The following CPNE8 variants were observed in gnomAD, a reference collection of about 807,000 sequenced individuals.
The protein encoded by CPNE8 is copine-8.
CPNE8 carries 45 observed loss-of-function variants against 81.5 expected under a neutral mutation model. That is an observed-to-expected ratio of 0.55 (90% CI 0.44 to 0.71). The LOEUF (loss-of-function observed/expected upper bound fraction) is 0.71. Ranked by LOEUF, CPNE8 falls within the 30% of genes least tolerant of loss-of-function variation. The probability of loss-of-function intolerance (pLI) is 0.00; values close to 1 mark genes in which losing one functional copy is unlikely to be tolerated. For missense variants in CPNE8, 594 were observed against 672.1 expected, an observed-to-expected ratio of 0.88 and a Z score of 1.28; for synonymous variants, 252 against 226.3, an observed-to-expected ratio of 1.11 and a Z score of -1.02.
At chr12:38,740,303 G>C (rs1941064239) in intron 10 of CPNE8, among the ~76,000 whole-genome samples, 1 of 152,154 alleles carries the variant, frequency 6.6e-6, no homozygotes, top group East Asian at 1.9e-4. Flanking sequence ...TTGGGGTTAA[G>C]ACGATGAGGT....
rs191068332 is a variant in CPNE8, at chr12:38,831,873, C to T, written c.331-2418G>A. Among the ~76,000 whole-genome samples, 11 of 152,274 alleles carry T rather than the reference C, an allele frequency of 7.2e-5. No homozygotes were observed. In the East Asian group the frequency reaches 2.1e-3, roughly 29 times the overall value. ...TTTTCTAAGGATAGTTATGCTTATG[C>T]GCACCTGCAAATACTACATATTAAA... On this transcript the variant is annotated intron_variant, in intron 5 of 19. Transcript: ENST00000331366.
chr12:38,807,921 C>A (rs1592109867), intron 6 of CPNE8, among the ~76,000 whole-genome samples: 1 of 151,584 alleles, frequency 6.6e-6, no homozygotes, highest in South Asian at 2.1e-4. Context: ...AAACAAACAA[C>A]CCCATCAAAA....
intron 11 of CPNE8, 125 bp downstream of exon 11, chr12:38,730,158 A>G (rs903583468): frequency 9.7e-6 from 6 of 617,552 alleles, no homozygotes; most frequent in African/African-American, 1.9e-5. Flanking sequence ...CAACAACTTC[A>G]AAGATTCTTA....
At chr12:38,662,156 A>G (rs1938973466) in intron 19 of CPNE8, among the ~76,000 whole-genome samples, 5 of 152,204 alleles carry the variant, frequency 3.3e-5, no homozygotes, top group African/African-American at 1.2e-4. Flanking sequence ...TCCTAGCCAG[A>G]GAAATTAGGC....
intron 19 of CPNE8, among the ~76,000 whole-genome samples, chr12:38,667,299 T>C (rs1449249443): frequency 5.3e-5 from 8 of 152,214 alleles, no homozygotes; most frequent in Admixed American, 5.2e-4. Context: ...ATTGAAAATA[T>C]TATCCTGCAT....
chr12:38,872,410 G>C (rs968112513), intron 3 of CPNE8, among the ~76,000 whole-genome samples: 2 of 152,142 alleles, frequency 1.3e-5, no homozygotes, highest in African/African-American at 4.8e-5. Flanking sequence ...AACTTCCTGA[G>C]ATAACTGGCA....
chr12:38,668,820 C>T (rs917168759), intron 19 of CPNE8, among the ~76,000 whole-genome samples: 9 of 151,960 alleles, frequency 5.9e-5, no homozygotes, highest in Admixed American at 2.0e-4. Context: ...GAGGCCGAGG[C>T]GGGCGGATCA....
chr12:38,685,662 A>G (rs568834083), intron 15 of CPNE8, 45 bp from the exon 16 acceptor site: 7 of 1,589,814 alleles, frequency 4.4e-6, no homozygotes, highest in South Asian at 2.3e-5. Flanking sequence ...ACAGTAAAAA[A>G]GTAAATCTCC....
intron 15 of CPNE8, 128 bp downstream of exon 15, chr12:38,693,529 A>T: frequency 1.3e-6 from 1 of 754,486 alleles, no homozygotes; most frequent in Non-Finnish European, 2.1e-6. Context: ...AAAGTCAATT[A>T]CTTACCAAAA....
chr12:38,882,424 C>T (rs567743240), intron 1 of CPNE8, among the ~76,000 whole-genome samples: 35 of 152,266 alleles, frequency 2.3e-4, no homozygotes, highest in African/African-American at 8.2e-4. Context: ...TTGATTTCAG[C>T]CCGGCAATAC....
chr12:38,783,979 A>G (rs1942113099), intron 6 of CPNE8, among the ~76,000 whole-genome samples: 1 of 152,208 alleles, frequency 6.6e-6, no homozygotes, highest in Admixed American at 6.5e-5. Flanking sequence ...ATCTACAAGT[A>G]TCAAGACCAT....
intron 10 of CPNE8, among the ~76,000 whole-genome samples, chr12:38,731,145 A>C (rs1189546612): frequency 6.6e-6 from 1 of 151,970 alleles, no homozygotes; most frequent in Non-Finnish European, 1.5e-5. Flanking sequence ...ACTGCTGAGA[A>C]GTAAGTACAA....
At chr12:38,887,002 C>A (rs1454062324) in intron 1 of CPNE8, among the ~76,000 whole-genome samples, 1 of 152,114 alleles carries the variant, frequency 6.6e-6, no homozygotes, top group Non-Finnish European at 1.5e-5. Context: ...CTGACTGAGA[C>A]TGAACCTAGA....
intron 19 of CPNE8, among the ~76,000 whole-genome samples, chr12:38,660,271 G>A (rs951220718): frequency 1.0e-4 from 15 of 150,202 alleles, no homozygotes; most frequent in African/African-American, 3.7e-4. Flanking sequence ...ACACAGATAT[G>A]GACCAATGGA....
intron 10 of CPNE8, among the ~76,000 whole-genome samples, chr12:38,734,631 A>G (rs969963562): frequency 6.6e-6 from 1 of 151,904 alleles, no homozygotes; most frequent in African/African-American, 2.4e-5. Flanking sequence ...CAGTCAGTCA[A>G]CCTCTGGGTC....
At chr12:38,778,193 C>T (rs1592080358) in intron 6 of CPNE8, among the ~76,000 whole-genome samples, 2 of 152,086 alleles carry the variant, frequency 1.3e-5, no homozygotes, top group Non-Finnish European at 2.9e-5. Context: ...ACCCCCAGTG[C>T]ATGGAAAAAT....
intron 13 of CPNE8, among the ~76,000 whole-genome samples, chr12:38,719,039 T>C (rs1327484844): frequency 6.6e-6 from 1 of 151,928 alleles, no homozygotes; most frequent in Non-Finnish European, 1.5e-5. Context: ...AGTAAGTTGA[T>C]AGGTTAGAGT....
upstream of CPNE8, chr12:38,905,724 C>T: frequency 7.0e-7 from 1 of 1,430,194 alleles, no homozygotes; most frequent in Non-Finnish European, 9.2e-7. Context: ...GAACCGCTAG[C>T]CAGTCCTGGG....
chr12:38,693,538 A>C, intron 15 of CPNE8, 119 bp downstream of exon 15: 1 of 836,138 alleles, frequency 1.2e-6, no homozygotes, highest in East Asian at 2.7e-5. Flanking sequence ...TACTTACCAA[A>C]ATTAAGCTAC....
Sources: allele counts gnomAD v4.1 joint callset (sites outside exome capture counted in the v4.1 genomes callset), GRCh38; gene constraint gnomAD v4.1.1; transcripts MANE v1.5; gene names NCBI Gene and HGNC (gene_info 2026-07-23, HGNC 2026-07-21).